The following ADAMTS18 variants were observed in gnomAD, a reference collection of about 807,000 sequenced individuals.
ADAMTS18 encodes ADAM metallopeptidase with thrombospondin type 1 motif 18, also known as A disintegrin and metalloproteinase with thrombospondin motifs 18.
In ADAMTS18, 157 loss-of-function variants were observed where a neutral mutation model predicts 165.9. The ratio of observed to expected loss-of-function variants is 0.95; its 90% CI spans 0.83 to 1.08. The LOEUF (loss-of-function observed/expected upper bound fraction) is 1.08, where lower values mean the gene tolerates loss of function less well. Among genes scored for constraint, ADAMTS18 ranks in the 50% least tolerant of loss-of-function variants. The pLI is 0.00. For missense variants in ADAMTS18, 2,040 were observed against 1,534.0 expected, an observed-to-expected ratio of 1.33 and a Z score of -5.51; for synonymous variants, 782 against 578.2, an observed-to-expected ratio of 1.35 and a Z score of -5.06.
intron 12 of ADAMTS18, among the ~76,000 whole-genome samples, chr16:77,334,737 GTATA>G (rs2056268340): frequency 8.9e-6 from 1 of 111,910 alleles, no homozygotes; most frequent in Non-Finnish European, 1.7e-5. Context: ...ATATACTATA[GTATA>G]TATACTGTAT....
intron 3 of ADAMTS18, among the ~76,000 whole-genome samples, chr16:77,384,991 C>A (rs925920372): frequency 2.0e-4 from 30 of 151,496 alleles, no homozygotes; most frequent in Non-Finnish European, 3.7e-4. Context: ...CTCACTGCAA[C>A]CTCCGCTTCC....
chr16:77,403,903 G>C (rs2057361953), intron 3 of ADAMTS18, among the ~76,000 whole-genome samples: 1 of 152,160 alleles, frequency 6.6e-6, no homozygotes, highest in African/African-American at 2.4e-5. Context: ...AGTTGGAGAA[G>C]AGGGTTGGCT....
intron 16 of ADAMTS18, among the ~76,000 whole-genome samples, chr16:77,304,970 C>T (rs140829486): frequency 8.7e-4 from 133 of 152,258 alleles, no homozygotes; most frequent in African/African-American, 3.1e-3. Flanking sequence ...GTATGTGTAG[C>T]TATAAATTCA....
chr16:77,421,331 G>A (rs2057599808), intron 3 of ADAMTS18, among the ~76,000 whole-genome samples: 1 of 152,176 alleles, frequency 6.6e-6, no homozygotes, highest in Admixed American at 6.5e-5. Flanking sequence ...CGTGGGAACG[G>A]GCTTTCATGG....
In ADAMTS18 at chr16:77,297,270, A is replaced by G; in HGVS notation, c.2801+19T>C. The stretch of plus-strand genomic sequence containing the variant: ...TACAAGTACAAAACTAAACAAAAAG[A>G]CACTTCCAAATGACTTACTAAGCCG... On this transcript the variant is annotated intron_variant, in intron 18 of 22. Coordinates refer to ENST00000282849, the MANE Select transcript of ADAMTS18 (RefSeq NM_199355.4). The G allele has an allele frequency of 6.2e-7, 1 of 1,614,098 alleles. No homozygotes were observed. The highest frequency in any genetic ancestry group is 8.5e-7 in the Non-Finnish European group (1 of 1,179,942).
At chr16:77,363,594 A>G (rs1188129738) in intron 6 of ADAMTS18, among the ~76,000 whole-genome samples, 1 of 151,490 alleles carries the variant, frequency 6.6e-6, no homozygotes, top group East Asian at 1.9e-4. Flanking sequence ...GCATATATAA[A>G]TATATTTAAA....
At chr16:77,422,037 A>T (rs142828000) in intron 3 of ADAMTS18, among the ~76,000 whole-genome samples, 17 of 152,230 alleles carry the variant, frequency 1.1e-4, no homozygotes, top group African/African-American at 3.6e-4. Context: ...CACACACACA[A>T]CTTCCAGAAA....
At chr16:77,332,119 C>G (rs1001284468) in intron 12 of ADAMTS18, among the ~76,000 whole-genome samples, 1 of 152,130 alleles carries the variant, frequency 6.6e-6, no homozygotes, top group Non-Finnish European at 1.5e-5. Flanking sequence ...AGCAGGAAGA[C>G]TAAGTTGTCT....
At chr16:77,383,141 G>T (rs1284373562) in intron 3 of ADAMTS18, among the ~76,000 whole-genome samples, 1 of 152,050 alleles carries the variant, frequency 6.6e-6, no homozygotes, top group Non-Finnish European at 1.5e-5. Context: ...GTCATGTATT[G>T]CCCCAAGCCT....
chr16:77,291,190 G>A (rs1464524606), intron 21 of ADAMTS18, 76 bp downstream of exon 21: 3 of 1,501,802 alleles, frequency 2.0e-6, no homozygotes, highest in African/African-American at 2.7e-5. Flanking sequence ...AACAGACTAA[G>A]AGCAACTGTT....
intron 12 of ADAMTS18, among the ~76,000 whole-genome samples, chr16:77,331,711 G>C (rs966072235): frequency 2.6e-5 from 4 of 152,096 alleles, no homozygotes; most frequent in African/African-American, 9.7e-5. Flanking sequence ...AGTAGGTCAA[G>C]GGCAGGGATG....
chr16:77,298,643 C>T (rs753976523), intron 17 of ADAMTS18, among the ~76,000 whole-genome samples: 20 of 152,124 alleles, frequency 1.3e-4, no homozygotes, highest in Middle Eastern at 3.4e-3. Context: ...AAGAAAAAAA[C>T]GGGCCAGGCA....
chr16:77,399,901 T>C (rs532212551), intron 3 of ADAMTS18, among the ~76,000 whole-genome samples: 1 of 152,252 alleles, frequency 6.6e-6, no homozygotes, highest in South Asian at 2.1e-4. Context: ...ACAGATAGCT[T>C]TGTCTGTACA....
intron 18 of ADAMTS18, among the ~76,000 whole-genome samples, chr16:77,297,018 C>G (rs932210664): frequency 1.3e-5 from 2 of 152,190 alleles, no homozygotes; most frequent in African/African-American, 2.4e-5. Context: ...CTCTTTCACC[C>G]AGGCTAATAT....
chr16:77,399,849 A>T (rs1400190873), intron 3 of ADAMTS18, among the ~76,000 whole-genome samples: 1 of 152,184 alleles, frequency 6.6e-6, no homozygotes. Context: ...TACAACTATA[A>T]CTGTAATGTC....
intron 12 of ADAMTS18, among the ~76,000 whole-genome samples, chr16:77,328,512 G>A (rs1359590552): frequency 6.6e-6 from 1 of 152,178 alleles, no homozygotes; most frequent in Non-Finnish European, 1.5e-5. Flanking sequence ...CACGCGGCCA[G>A]AATGAGATTT....
intron 13 of ADAMTS18, among the ~76,000 whole-genome samples, chr16:77,322,782 T>A (rs1019829361): frequency 6.6e-6 from 1 of 152,180 alleles, no homozygotes; most frequent in Non-Finnish European, 1.5e-5. Context: ...TTCAAAGGCC[T>A]GATGGTCAGC....
chr16:77,344,559 A>G (rs967912921), intron 10 of ADAMTS18, among the ~76,000 whole-genome samples: 1 of 152,144 alleles, frequency 6.6e-6, no homozygotes, highest in Non-Finnish European at 1.5e-5. Flanking sequence ...AGGCTTTCAG[A>G]ACTAAATTGT....
At chr16:77,392,609 C>T (rs944040212) in intron 3 of ADAMTS18, among the ~76,000 whole-genome samples, 1 of 152,168 alleles carries the variant, frequency 6.6e-6, no homozygotes, top group African/African-American at 2.4e-5. Flanking sequence ...ATGCCTTTGC[C>T]TATGGTCCAT....
Sources: gnomAD v4.1 joint callset for allele counts (sites outside exome capture counted in the v4.1 genomes callset) on GRCh38, gnomAD v4.1.1 for gene constraint, MANE v1.5 for transcripts, NCBI Gene and HGNC (gene_info 2026-07-23, HGNC 2026-07-21) for gene names.